CCDC141: variants seen among roughly 807,000 people sequenced by gnomAD.
The protein encoded by CCDC141 is coiled-coil domain containing 141.
Under a neutral mutation model 181.0 loss-of-function variants are expected in CCDC141, and 168 were observed. That is an observed-to-expected ratio of 0.93 (90% CI 0.82 to 1.05). CCDC141 has a LOEUF of 1.05. CCDC141 is among the 50% of genes least tolerant of loss of function. CCDC141 has a pLI of 0.00. For missense variants in CCDC141, 1,902 were observed against 1,788.5 expected, an observed-to-expected ratio of 1.06 and a Z score of -1.14; for synonymous variants, 666 against 642.3, an observed-to-expected ratio of 1.04 and a Z score of -0.56.
At chr2:179,006,340 A>T (rs944092572) in intron 2 of CCDC141, among the ~76,000 whole-genome samples, 12 of 152,222 alleles carry the variant, frequency 7.9e-5, no homozygotes, top group Non-Finnish European at 1.5e-4. Flanking sequence ...GTTTCTGTTA[A>T]CTATGTAAGA....
At position 178,961,370 on chromosome 2, in the gene CCDC141, G is replaced by A. The variant is rs866966036; in HGVS notation, c.640C>T (p.His214Tyr). Residue 214 changes from histidine (H) to tyrosine (Y), a missense_variant, in exon 5 of 24, where the codon CAT becomes TAT. His to Tyr is a moderately conservative substitution (Grantham distance 83). Coordinates refer to ENST00000443758, the MANE Select transcript of CCDC141 (RefSeq NM_173648.4). Reference protein sequence around the residue: ...NVNPELTQGAHSSCLKVDRLL... With the variant: ...NVNPELTQGAYSSCLKVDRLL... ...CGGTCAACCTTCAGACAGCTGCTAT[G>A]AGCTCCCTGAGTCAACTCAGGATTC... 6.4e-7 allele frequency: 1 copy of A among 1,550,612 alleles called. No individual in the cohort carries two copies. The highest frequency in any genetic ancestry group is 8.7e-7 in the Non-Finnish European group (1 of 1,146,956).
chr2:179,020,061 G>A (rs2042651173), intron 2 of CCDC141, among the ~76,000 whole-genome samples: 1 of 152,072 alleles, frequency 6.6e-6, no homozygotes, highest in Non-Finnish European at 1.5e-5. Context: ...CAGCTGGAAA[G>A]ATCATTTGAT....
chr2:178,952,119 T>C (rs1378403064), intron 5 of CCDC141, among the ~76,000 whole-genome samples: 2 of 152,240 alleles, frequency 1.3e-5, no homozygotes. Context: ...ATCTTTTGAG[T>C]AAACTAGACT....
At chr2:178,875,726 A>C (rs1686329972) in intron 12 of CCDC141, 1 of 152,190 alleles carries the variant, frequency 6.6e-6, no homozygotes, top group South Asian at 2.1e-4. Context: ...TCAGTAATTT[A>C]ATAAATAAAA....
intron 8 of CCDC141, among the ~76,000 whole-genome samples, chr2:178,893,059 C>T (rs935210278): frequency 2.0e-5 from 3 of 152,142 alleles, no homozygotes; most frequent in Non-Finnish European, 2.9e-5. Flanking sequence ...GTAGTGTGAA[C>T]ATGCGGTAGA....
chr2:178,843,352 A>G, intron 22 of CCDC141, among the ~76,000 whole-genome samples: 1 of 152,226 alleles, frequency 6.6e-6, no homozygotes, highest in East Asian at 1.9e-4. Flanking sequence ...CTAAAATTCT[A>G]TAACTCTAAA....
intron 2 of CCDC141, among the ~76,000 whole-genome samples, chr2:179,037,573 G>T (rs2043179343): frequency 6.6e-6 from 1 of 152,138 alleles, no homozygotes; most frequent in Non-Finnish European, 1.5e-5. Context: ...CTACAGAATG[G>T]CAGAAGATAT....
intron 2 of CCDC141, among the ~76,000 whole-genome samples, chr2:179,013,291 C>A (rs1251603904): frequency 6.6e-6 from 1 of 152,146 alleles, no homozygotes; most frequent in Non-Finnish European, 1.5e-5. Context: ...GATTAATATA[C>A]ACAAATCAGT....
chr2:179,015,097 T>TATAC (rs2042411163), intron 2 of CCDC141, among the ~76,000 whole-genome samples: 1 of 42,444 alleles, frequency 2.4e-5, no homozygotes, highest in East Asian at 1.1e-3. Flanking sequence ...TATATATATA[T>TATAC]ATATATAATA....
intron 2 of CCDC141, among the ~76,000 whole-genome samples, chr2:179,016,334 A>G (rs955233465): frequency 5.3e-5 from 8 of 152,090 alleles, no homozygotes; most frequent in Non-Finnish European, 1.2e-4. Context: ...GTACCCTAGT[A>G]ACTTATGGGA....
chr2:178,871,672 A>G, intron 13 of CCDC141, 120 bp from the exon 14 acceptor site: 1 of 1,126,152 alleles, frequency 8.9e-7, no homozygotes, highest in South Asian at 1.6e-5. Flanking sequence ...AACACTCAGG[A>G]TGTGGCATGA....
chr2:178,862,683 G>C (rs1333511801), intron 17 of CCDC141, among the ~76,000 whole-genome samples: 1 of 152,080 alleles, frequency 6.6e-6, no homozygotes, highest in African/African-American at 2.4e-5. Context: ...TTTTCTAGTA[G>C]GTAGACATGA....
chr2:178,944,894 A>T (rs1355403727), intron 5 of CCDC141, among the ~76,000 whole-genome samples: 1 of 152,190 alleles, frequency 6.6e-6, no homozygotes. Context: ...AGTAGATTAC[A>T]TGGCATGAAT....
intron 5 of CCDC141, among the ~76,000 whole-genome samples, chr2:178,956,229 C>G (rs1690155220): frequency 1.3e-5 from 2 of 152,180 alleles, no homozygotes; most frequent in Admixed American, 1.3e-4. Context: ...CTACTCCAAC[C>G]ACTGTCGCTG....
At chr2:178,956,949 G>A (rs1038978026) in intron 5 of CCDC141, among the ~76,000 whole-genome samples, 3 of 151,610 alleles carry the variant, frequency 2.0e-5, no homozygotes, top group Non-Finnish European at 2.9e-5. Flanking sequence ...GCACGATCTC[G>A]GCTCACCACA....
At chr2:178,850,692 C>T (rs1389245375) in intron 20 of CCDC141, among the ~76,000 whole-genome samples, 1 of 152,212 alleles carries the variant, frequency 6.6e-6, no homozygotes, top group Non-Finnish European at 1.5e-5. Context: ...CAAAATATAA[C>T]CTACTCTTTA....
the CCDC141 span, chr2:178,817,570 T>C: frequency 2.1e-6 from 1 of 471,094 alleles, no homozygotes; most frequent in South Asian, 1.5e-5. Flanking sequence ...TTGAACCAAG[T>C]GACACATGGT....
At chr2:178,943,498 T>C (rs553908556) in intron 6 of CCDC141, among the ~76,000 whole-genome samples, 1 of 152,172 alleles carries the variant, frequency 6.6e-6, no homozygotes, top group African/African-American at 2.4e-5. Context: ...TCCTGCCTAC[T>C]CCTAACCTCC....
intron 2 of CCDC141, among the ~76,000 whole-genome samples, chr2:179,003,538 A>G (rs1382927593): frequency 6.6e-6 from 1 of 152,240 alleles, no homozygotes; most frequent in Non-Finnish European, 1.5e-5. Flanking sequence ...TATAGTAAGT[A>G]TGTAATAAAT....
Sources: allele counts gnomAD v4.1 joint callset (sites outside exome capture counted in the v4.1 genomes callset), GRCh38; gene constraint gnomAD v4.1.1; transcripts MANE v1.5; gene names NCBI Gene and HGNC (gene_info 2026-07-23, HGNC 2026-07-21).